Variants in PROM1 observed in about 807,000 individuals in gnomAD.
The protein encoded by PROM1 is prominin 1, also known as prominin-1.
Under a neutral mutation model 116.9 loss-of-function variants are expected in PROM1, and 105 were observed. The ratio of observed to expected loss-of-function variants is 0.90; its 90% CI spans 0.77 to 1.06. The LOEUF is 1.06. Among genes scored for constraint, PROM1 ranks in the 50% least tolerant of loss-of-function variants. The probability of loss-of-function intolerance (pLI) is 0.00; values close to 1 mark genes in which losing one functional copy is unlikely to be tolerated. For synonymous variants in PROM1, 393 were observed against 387.0 expected (o/e 1.02, Z -0.18); for missense variants, 1,122 against 1,045.2 (o/e 1.07, Z -1.01).
At chr4:15,980,670 C>G (rs1577801311) in intron 23 of PROM1, 133 bp from the exon 24 acceptor site, 1 of 644,414 alleles carries the variant, frequency 1.6e-6, no homozygotes, top group African/African-American at 2.1e-5. Flanking sequence ...TTCTTTAAAA[C>G]AATTTGAGAA....
chr4:15,985,519 G>C, intron 22 of PROM1: 1 of 474,302 alleles, frequency 2.1e-6, no homozygotes, highest in Admixed American at 4.2e-5. Context: ...ACCTGAAAAA[G>C]GGGGTGGGAA....
intron 10 of PROM1, among the ~76,000 whole-genome samples, chr4:16,014,577 C>A (rs1205298973): frequency 6.6e-6 from 1 of 152,104 alleles, no homozygotes; most frequent in East Asian, 1.9e-4. Context: ...CTGAAGGTTG[C>A]AAATATTTTT....
chr4:16,063,175 A>C (rs764652611), intron 2 of PROM1, among the ~76,000 whole-genome samples: 22 of 152,250 alleles, frequency 1.4e-4, no homozygotes, highest in Non-Finnish European at 1.8e-4. Flanking sequence ...AACATGATAA[A>C]GAACACCATA....
chr4:15,981,267 TTTG>T (rs1717859874), intron 23 of PROM1, among the ~76,000 whole-genome samples: 1 of 148,512 alleles, frequency 6.7e-6, no homozygotes. Context: ...GGCTGAGTTG[TTTG>T]TTATTAAGAT....
At position 15,985,812 on chromosome 4, in the gene PROM1, C is replaced by T. The variant is rs1719221044; in HGVS notation, c.2228G>A (p.Gly743Glu). ...TTCAAAATATCCTATTATTGTTCTC[C>T]CATACTTCTTAGTTTCCTGGAAAGA... The part of the protein sequence containing the change: ...SVIIEETKKY[G>E]RTIIGYFEHY... Residue 743 changes from glycine (G) to glutamate (E), a missense_variant, in exon 22 of 28, where the codon GGG (glycine) becomes GAG (glutamate). Gly to Glu is a moderately conservative substitution (Grantham distance 98). Coordinates refer to ENST00000447510, the MANE Select transcript of PROM1 (RefSeq NM_006017.3). 1.7e-6 allele frequency: 2 copies of T among 1,158,890 alleles called. No homozygotes were observed. The highest frequency in any genetic ancestry group is 2.2e-6 in the Non-Finnish European group (2 of 904,654). 71.8% of individuals were successfully genotyped at this position (1,158,890 alleles called of 1,614,324 possible).
chr4:16,018,142 T>C (rs2149302583), intron 9 of PROM1, among the ~76,000 whole-genome samples, 181 bp downstream of exon 9: 1 of 152,328 alleles, frequency 6.6e-6, no homozygotes, highest in African/African-American at 2.4e-5. Flanking sequence ...CTTTTACTCC[T>C]TTGCTCCTGC....
chr4:16,043,560 C>A (rs1735817658), intron 2 of PROM1, among the ~76,000 whole-genome samples: 1 of 152,212 alleles, frequency 6.6e-6, no homozygotes. Context: ...CTGCCACAGT[C>A]CTCCAAGCGC....
chr4:15,971,253 TTC>T (rs1472337739), intron 26 of PROM1, 171 bp from the exon 27 acceptor site: 3 of 559,200 alleles, frequency 5.4e-6, no homozygotes, highest in East Asian at 5.6e-5. Flanking sequence ...TTACTCTAGC[TTC>T]TGTTTGTATT....
chr4:16,000,283 G>A (rs370932964), intron 14 of PROM1, among the ~76,000 whole-genome samples: 14 of 152,236 alleles, frequency 9.2e-5, no homozygotes, highest in East Asian at 7.7e-4. Flanking sequence ...AAATAAGGAC[G>A]CTCCCATATT....
At chr4:15,991,770 T>C (rs1281692184) in intron 17 of PROM1, among the ~76,000 whole-genome samples, 2 of 150,924 alleles carry the variant, frequency 1.3e-5, no homozygotes, top group African/African-American at 4.9e-5. Context: ...CCGTCTCTAC[T>C]AAAAATACAA....
At chr4:16,061,604 G>A (rs1293978455) in intron 2 of PROM1, among the ~76,000 whole-genome samples, 3 of 152,146 alleles carry the variant, frequency 2.0e-5, no homozygotes, top group Non-Finnish European at 4.4e-5. Context: ...CCACTCTGTC[G>A]GATGCTCTCG....
intron 26 of PROM1, among the ~76,000 whole-genome samples, chr4:15,972,807 G>C (rs1714935909): frequency 6.6e-6 from 1 of 152,194 alleles, no homozygotes; most frequent in African/African-American, 2.4e-5. Flanking sequence ...CCTGTCTCCA[G>C]AGTAGACATC....
In PROM1 at chr4:16,006,659, G is replaced by A. The variant is rs1218770966; in HGVS notation, c.1333C>T (p.Leu445=). 6.2e-7 allele frequency: 1 copy of A among 1,613,130 alleles called. No individual in the cohort carries two copies. The highest frequency in any genetic ancestry group is 1.7e-5 in the Admixed American group (1 of 59,922). The stretch of plus-strand genomic sequence containing the variant: ...TAGTAAAAAATCACGATGAGGGTCA[G>A]CAGAGAGCAGATGACCAGGCCACCC... ...WLGGLVICSL[L]TLIVIFYYLG... Residue 445 remains leucine (L), a synonymous_variant, in exon 13 of 28, where the codon CTG becomes TTG. Transcript: ENST00000447510.
At chr4:16,037,404 C>T (rs1734181982) in intron 3 of PROM1, among the ~76,000 whole-genome samples, 1 of 152,136 alleles carries the variant, frequency 6.6e-6, no homozygotes, top group African/African-American at 2.4e-5. Context: ...CACAGTCTTC[C>T]CTTGCTGAAT....
intron 2 of PROM1, among the ~76,000 whole-genome samples, chr4:16,061,890 T>TATTTCC (rs1491088804): frequency 2.7e-4 from 1 of 3,758 alleles, no homozygotes; most frequent in Non-Finnish European, 7.0e-4. Flanking sequence ...CAAATTTCCT[T>TATTTCC]TTTTTTTTTT....
Position 16,070,686 on chromosome 4 carries a change from A to T in PROM1, c.220+5001T>A, listed in dbSNP as rs962788152. 2.6e-5 allele frequency among the ~76,000 whole-genome samples: 4 copies of T among 152,216 alleles called. No individual in the cohort carries two copies. In the South Asian group the frequency reaches 8.3e-4, roughly 32 times the overall value. ...GAAAACAAGAGCCTGTCAGATGTAG[A>T]TATTTTTGCAGAGAAGCAAAGACCA... On this transcript the variant is annotated intron_variant, in intron 2 of 27. Coordinates refer to ENST00000447510, the MANE Select transcript of PROM1 (RefSeq NM_006017.3).
chr4:16,059,008 T>C (rs1739681352), intron 2 of PROM1, among the ~76,000 whole-genome samples: 1 of 152,196 alleles, frequency 6.6e-6, no homozygotes, highest in African/African-American at 2.4e-5. Flanking sequence ...CACTGAGTAA[T>C]ACCTGGACAG....
At chr4:16,031,314 C>A (rs1732645654) in intron 5 of PROM1, among the ~76,000 whole-genome samples, 1 of 151,984 alleles carries the variant, frequency 6.6e-6, no homozygotes, top group Non-Finnish European at 1.5e-5. Flanking sequence ...GTGCAAGTGT[C>A]TAGACAAATG....
intron 18 of PROM1, among the ~76,000 whole-genome samples, chr4:15,990,738 T>A (rs1342013893): frequency 1.3e-5 from 2 of 152,126 alleles, no homozygotes; most frequent in Non-Finnish European, 2.9e-5. Flanking sequence ...TCCCTGTCCA[T>A]CACCATAAGG....
Sources: allele counts gnomAD v4.1 joint callset (sites outside exome capture counted in the v4.1 genomes callset), GRCh38; gene constraint gnomAD v4.1.1; transcripts MANE v1.5; gene names NCBI Gene and HGNC (gene_info 2026-07-23, HGNC 2026-07-21).